Variants in SORCS1 observed in about 807,000 individuals in gnomAD.
The protein encoded by SORCS1 is VPS10 domain-containing receptor SorCS1.
A neutral mutation model predicts 146.1 loss-of-function variants in SORCS1; 60 were observed. The ratio of observed to expected loss-of-function variants is 0.41; its 90% CI spans 0.33 to 0.51. The LOEUF (loss-of-function observed/expected upper bound fraction) is 0.51. Among genes scored for constraint, SORCS1 ranks in the 20% least tolerant of loss-of-function variants. The pLI, the probability that SORCS1 is intolerant of heterozygous loss-of-function variation, is 0.21. For synonymous variants in SORCS1, 637 were observed against 584.0 expected (o/e 1.09, Z -1.31); for missense variants, 1,352 against 1,487.6 (o/e 0.91, Z 1.50).
chr10:106,696,841 AT>A lies in SORCS1; in HGVS notation c.1413+2372del, dbSNP rs369546318. On this transcript the variant is annotated intron_variant, in intron 9 of 25. Transcript: ENST00000263054. Reference sequence around the variant, plus strand: ...CAAGGGACCAATTAAAATGGTTTTTATTTCTGGCAGTAAACAAAATTTATCC... The same window carrying A: ...CAAGGGACCAATTAAAATGGTTTTTATTCTGGCAGTAAACAAAATTTATCC... Among the ~76,000 whole-genome samples, 377 of 152,294 alleles carry A rather than the reference AT, an allele frequency of 2.5e-3. 5 individuals carry two copies. The highest frequency in any genetic ancestry group is 8.6e-3 in the African/African-American group (359 of 41,572).
chr10:106,820,060 G>C (rs1285592833), intron 3 of SORCS1, among the ~76,000 whole-genome samples: 1 of 152,048 alleles, frequency 6.6e-6, no homozygotes, highest in African/African-American at 2.4e-5. Flanking sequence ...TTATCTGTGA[G>C]AGGCTGTGCA....
In SORCS1 at chr10:106,917,534, C is replaced by G. The variant is rs148555797; in HGVS notation, c.626+38979G>C. The stretch of plus-strand genomic sequence containing the variant: ...GCTGGGGATTATTAACCCTGGAGGA[C>G]AGATGACTCTTTTTCATGCAGTACA... On this transcript the variant is annotated intron_variant, in intron 2 of 25. Coordinates refer to ENST00000263054, the MANE Select transcript of SORCS1 (RefSeq NM_052918.5). 8.5e-3 allele frequency among the ~76,000 whole-genome samples: 1,298 copies of G among 152,286 alleles called. 8 individuals are homozygous for G. The highest frequency in any genetic ancestry group is 0.014 in the Non-Finnish European group (927 of 68,022).
At chr10:106,886,234 C>T (rs552138549) in intron 2 of SORCS1, among the ~76,000 whole-genome samples, 1 of 152,104 alleles carries the variant, frequency 6.6e-6, no homozygotes, top group Non-Finnish European at 1.5e-5. Flanking sequence ...TGCACTACAG[C>T]CTGGGTGACA....
chr10:106,687,010 C>T (rs181625733), intron 10 of SORCS1, among the ~76,000 whole-genome samples: 1 of 152,320 alleles, frequency 6.6e-6, no homozygotes, highest in East Asian at 1.9e-4. Context: ...GTGGTCCTCC[C>T]TCTAGGCTTA....
chr10:106,646,735 T>G (rs1034979670), intron 18 of SORCS1, among the ~76,000 whole-genome samples: 1 of 151,970 alleles, frequency 6.6e-6, no homozygotes, highest in Non-Finnish European at 1.5e-5. Flanking sequence ...AGCTTTCAAA[T>G]TTTGATTGAC....
intron 1 of SORCS1, among the ~76,000 whole-genome samples, chr10:107,068,879 A>T (rs981473651): frequency 1.3e-5 from 2 of 151,848 alleles, no homozygotes; most frequent in Non-Finnish European, 2.9e-5. Flanking sequence ...CAAAAAAAAA[A>T]AAAAAAGGAA....
chr10:106,796,597 T>C (rs1267545275), intron 3 of SORCS1, among the ~76,000 whole-genome samples: 1 of 152,196 alleles, frequency 6.6e-6, no homozygotes, highest in Non-Finnish European at 1.5e-5. Flanking sequence ...AGGCTAAATA[T>C]CTTTCTTCTC....
chr10:106,604,964 C>T (rs547959145), intron 23 of SORCS1, among the ~76,000 whole-genome samples: 5 of 152,188 alleles, frequency 3.3e-5, no homozygotes, highest in Non-Finnish European at 7.3e-5. Context: ...TTTTCTTGTC[C>T]TCACTTTCCT....
chr10:106,855,185 A>G (rs1244227879), intron 2 of SORCS1, among the ~76,000 whole-genome samples: 1 of 152,162 alleles, frequency 6.6e-6, no homozygotes, highest in Non-Finnish European at 1.5e-5. Context: ...CAGCACTTTA[A>G]ATATTTCATC....
At chr10:106,618,973 T>G (rs1847562851) in intron 20 of SORCS1, among the ~76,000 whole-genome samples, 1 of 152,152 alleles carries the variant, frequency 6.6e-6, no homozygotes, top group South Asian at 2.1e-4. Context: ...CCTACTGACC[T>G]CCCTTGACAC....
At chr10:106,917,589 C>G (rs919862928) in intron 2 of SORCS1, among the ~76,000 whole-genome samples, 2 of 152,208 alleles carry the variant, frequency 1.3e-5, no homozygotes, top group Admixed American at 6.5e-5. Flanking sequence ...TGTTTAGCAA[C>G]ATCCCTGGCC....
intron 1 of SORCS1, among the ~76,000 whole-genome samples, chr10:106,972,757 G>C (rs1457265729): frequency 6.6e-6 from 1 of 152,194 alleles, no homozygotes; most frequent in Admixed American, 6.5e-5. Flanking sequence ...AAGAGAAGGG[G>C]ACAATCTCTA....
At chr10:106,632,116 T>A (rs1848474983) in intron 18 of SORCS1, among the ~76,000 whole-genome samples, 2 of 152,098 alleles carry the variant, frequency 1.3e-5, no homozygotes, top group South Asian at 4.1e-4. Context: ...GAATCAGGTA[T>A]TAGGTTTAAC....
At chr10:106,920,382 T>C (rs1051333145) in intron 2 of SORCS1, among the ~76,000 whole-genome samples, 4 of 152,222 alleles carry the variant, frequency 2.6e-5, no homozygotes, top group African/African-American at 7.2e-5. Flanking sequence ...TATTCTTTTG[T>C]AATAGATAGT....
chr10:106,703,273 T>C (rs929978821), intron 8 of SORCS1, among the ~76,000 whole-genome samples: 5 of 152,078 alleles, frequency 3.3e-5, no homozygotes, highest in African/African-American at 1.2e-4. Context: ...CCAGGTCTCC[T>C]GCTGCAAATC....
intron 1 of SORCS1, among the ~76,000 whole-genome samples, chr10:107,025,611 G>A (rs77501271): frequency 3.1e-4 from 47 of 152,318 alleles, no homozygotes; most frequent in African/African-American, 9.6e-4. Flanking sequence ...ACTGATGACA[G>A]GGTAAAACAA....
At chr10:106,835,216 A>T (rs1405675239) in intron 2 of SORCS1, among the ~76,000 whole-genome samples, 1 of 152,238 alleles carries the variant, frequency 6.6e-6, no homozygotes, top group Non-Finnish European at 1.5e-5. Context: ...AGTTTCCATA[A>T]GAGTTGCAGA....
At chr10:106,925,047 T>C (rs1256723442) in intron 2 of SORCS1, among the ~76,000 whole-genome samples, 1 of 37,862 alleles carries the variant, frequency 2.6e-5, no homozygotes, top group African/African-American at 5.0e-5. Flanking sequence ...TTATATGCTA[T>C]ATTATATATC....
chr10:106,644,332 T>C (rs1247093173), intron 18 of SORCS1, among the ~76,000 whole-genome samples: 1 of 152,048 alleles, frequency 6.6e-6, no homozygotes, highest in East Asian at 1.9e-4. Context: ...AAGTTAACAA[T>C]AATTTTTCCC....
Sources: gnomAD v4.1 joint callset for allele counts (sites outside exome capture counted in the v4.1 genomes callset) on GRCh38, gnomAD v4.1.1 for gene constraint, MANE v1.5 for transcripts, NCBI Gene and HGNC (gene_info 2026-07-23, HGNC 2026-07-21) for gene names.